The following OR14A2 variants were observed in gnomAD, a reference collection of about 807,000 sequenced individuals.
OR14A2 encodes olfactory receptor 14A2.
For missense variants in OR14A2, 237 were observed against 152.9 expected (o/e 1.55, Z -2.90); for synonymous variants, 114 against 58.6 (o/e 1.95, Z -4.32).
At chr1:247,747,672 A>G in the OR14A2 span, among the ~76,000 whole-genome samples, 3 of 152,202 alleles carry the variant, frequency 2.0e-5, no homozygotes, top group Admixed American at 2.0e-4. Flanking sequence ...CTGTTTTCCT[A>G]TTTTGAAAAT....
chr1:247,741,692 T>C, the OR14A2 span, among the ~76,000 whole-genome samples: 1 of 152,352 alleles, frequency 6.6e-6, no homozygotes, highest in African/African-American at 2.4e-5. Context: ...GAATTTTTGC[T>C]GTTTTACATT....
At chr1:247,723,003 A>G (rs771864292), downstream of OR14A2, 74 of 617,684 alleles carry the variant, frequency 1.2e-4, no homozygotes, top group Non-Finnish European at 2.1e-4. Flanking sequence ...TAATTTGAGT[A>G]TATTGCTTTC....
At chr1:247,739,701 T>G in the OR14A2 span, 1 of 578,796 alleles carries the variant, frequency 1.7e-6, no homozygotes, top group East Asian at 2.9e-5. Flanking sequence ...TTAATAGAAA[T>G]AGAAAGCAAC....
chr1:247,741,938 C>A, the OR14A2 span, among the ~76,000 whole-genome samples: 2 of 152,120 alleles, frequency 1.3e-5, no homozygotes, highest in East Asian at 3.8e-4. Flanking sequence ...TTCTGTGATA[C>A]CCTCCCCGCC....
upstream of OR14A2, among the ~76,000 whole-genome samples, chr1:247,725,609 C>A (rs1171862690): frequency 6.9e-6 from 1 of 145,412 alleles, no homozygotes; most frequent in African/African-American, 2.5e-5. Context: ...TATAAATGTG[C>A]CATGCTGGTG....
the OR14A2 span, among the ~76,000 whole-genome samples, chr1:247,740,118 T>C: frequency 2.0e-5 from 3 of 152,364 alleles, no homozygotes; most frequent in Admixed American, 2.0e-4. Context: ...TCCACATGCA[T>C]TGCATGAGAT....
At chr1:247,747,690 G>A in the OR14A2 span, among the ~76,000 whole-genome samples, 3 of 152,080 alleles carry the variant, frequency 2.0e-5, no homozygotes, top group Non-Finnish European at 4.4e-5. Flanking sequence ...AATGAGTTTG[G>A]TCCCATTAGA....
chr1:247,734,327 G>A, the OR14A2 span, among the ~76,000 whole-genome samples: 1,225 of 152,208 alleles, frequency 8.0e-3, 9 homozygotes, highest in African/African-American at 0.028. Flanking sequence ...GGCAGCTGAC[G>A]TCTTGATCTC....
the OR14A2 span, among the ~76,000 whole-genome samples, chr1:247,730,899 T>C: frequency 6.6e-6 from 1 of 152,072 alleles, no homozygotes; most frequent in Non-Finnish European, 1.5e-5. Context: ...CGAGTTTCTT[T>C]ACTCAGTCTA....
the OR14A2 span, among the ~76,000 whole-genome samples, chr1:247,738,183 C>T: frequency 6.6e-6 from 1 of 152,004 alleles, no homozygotes; most frequent in African/African-American, 2.4e-5. Context: ...TTAAATATTG[C>T]AGTAAGTAGC....
the OR14A2 span, among the ~76,000 whole-genome samples, chr1:247,731,659 C>CA: frequency 6.6e-6 from 1 of 151,810 alleles, no homozygotes; most frequent in Non-Finnish European, 1.5e-5. Context: ...ATTTTAATTT[C>CA]AGAAATAGAA....
the OR14A2 span, among the ~76,000 whole-genome samples, chr1:247,744,430 C>T: frequency 6.6e-6 from 1 of 150,872 alleles, no homozygotes; most frequent in Non-Finnish European, 1.5e-5. The surrounding 1 kb of genome is among the most constrained non-coding windows in gnomAD (Gnocchi z 4.3). Flanking sequence ...CTCAATATAT[C>T]TCTGACCTTC....
At chr1:247,723,689 C>A in exon 1 of OR14A2, 1 of 718,528 alleles carries the variant, frequency 1.4e-6, no homozygotes, top group South Asian at 1.5e-5. Context: ...ACATAGCGGT[C>A]ATAGGACATG....
the OR14A2 span, among the ~76,000 whole-genome samples, chr1:247,734,994 T>C: frequency 6.6e-6 from 1 of 152,206 alleles, no homozygotes; most frequent in African/African-American, 2.4e-5. Flanking sequence ...ATCCCAACCC[T>C]GGAGAAGACC....
the OR14A2 span, among the ~76,000 whole-genome samples, chr1:247,731,271 T>G: frequency 0.015 from 2,232 of 152,180 alleles, 53 homozygotes; most frequent in African/African-American, 0.051. Flanking sequence ...CCTTTCAACC[T>G]TTCAGTATGC....
At chr1:247,728,572 C>A (rs1025442327), upstream of OR14A2, among the ~76,000 whole-genome samples, 1 of 151,986 alleles carries the variant, frequency 6.6e-6, no homozygotes, top group South Asian at 2.1e-4. Context: ...AGTTCTGGCC[C>A]GGGCATTTAG....
the OR14A2 span, among the ~76,000 whole-genome samples, chr1:247,732,459 A>G: frequency 6.6e-6 from 1 of 152,138 alleles, no homozygotes; most frequent in Non-Finnish European, 1.5e-5. Flanking sequence ...TATTATGTTT[A>G]GGTTTCACAT....
At chr1:247,739,401 G>C in the OR14A2 span, 1 of 780,790 alleles carries the variant, frequency 1.3e-6, no homozygotes, top group Non-Finnish European at 2.4e-6. Flanking sequence ...GCCAGGGTCT[G>C]ATGCACCTTC....
the OR14A2 span, among the ~76,000 whole-genome samples, chr1:247,741,742 T>G: frequency 6.6e-6 from 1 of 152,228 alleles, no homozygotes; most frequent in Non-Finnish European, 1.5e-5. Context: ...AATCTATTGG[T>G]CATGTAGTTC....
Sources: allele counts gnomAD v4.1 joint callset (sites outside exome capture counted in the v4.1 genomes callset), GRCh38; gene constraint gnomAD v4.1.1; non-coding constraint Gnocchi (gnomAD v3.1); transcripts MANE v1.5; gene names NCBI Gene and HGNC (gene_info 2026-07-23, HGNC 2026-07-21).